SORCS3: variants seen among roughly 807,000 people sequenced by gnomAD.
SORCS3 encodes VPS10 domain-containing receptor SorCS3.
Under a neutral mutation model 146.3 loss-of-function variants are expected in SORCS3, and 57 were observed. That is an observed-to-expected ratio of 0.39 (90% CI 0.31 to 0.49). SORCS3 has a LOEUF of 0.49. Ranked by LOEUF, SORCS3 falls within the 20% of genes least tolerant of loss-of-function variation. The pLI is 0.92. For synonymous variants in SORCS3, 653 were observed against 618.5 expected, an observed-to-expected ratio of 1.06 and a Z score of -0.83; for missense variants, 1,341 against 1,575.5, an observed-to-expected ratio of 0.85 and a Z score of 2.52.
chr10:105,063,746 A>G (rs2055503684), intron 5 of SORCS3, among the ~76,000 whole-genome samples: 1 of 152,232 alleles, frequency 6.6e-6, no homozygotes, highest in Admixed American at 6.5e-5. Flanking sequence ...AATAGACACC[A>G]GCCATGTCCC....
At chr10:104,957,449 C>A (rs913456146) in intron 3 of SORCS3, among the ~76,000 whole-genome samples, 5 of 152,062 alleles carry the variant, frequency 3.3e-5, no homozygotes, top group African/African-American at 9.7e-5. Context: ...TCAGAAGTGG[C>A]AGTTGGACCT....
chr10:104,912,024 T>A (rs1046887643), intron 2 of SORCS3, among the ~76,000 whole-genome samples: 18 of 152,226 alleles, frequency 1.2e-4, no homozygotes, highest in African/African-American at 3.9e-4. Flanking sequence ...TGATAAAAAA[T>A]TCCCACTTTT....
chr10:105,074,655 C>A (rs1272418260), intron 5 of SORCS3, among the ~76,000 whole-genome samples: 2 of 152,274 alleles, frequency 1.3e-5, no homozygotes, highest in East Asian at 3.9e-4. Context: ...ATGGTTACAA[C>A]CTCTTCCCTG....
chr10:104,762,849 T>C (rs1164541744), intron 1 of SORCS3, among the ~76,000 whole-genome samples: 1 of 152,208 alleles, frequency 6.6e-6, no homozygotes, highest in Non-Finnish European at 1.5e-5. Flanking sequence ...TCTACTTTCT[T>C]TATAAATTGC....
chr10:104,989,484 A>C (rs1449371449), intron 4 of SORCS3, among the ~76,000 whole-genome samples: 1 of 152,210 alleles, frequency 6.6e-6, no homozygotes, highest in Non-Finnish European at 1.5e-5. Flanking sequence ...TAGGAGTGGA[A>C]TATAAGGAGA....
At chr10:105,074,993 T>C (rs1281735540) in intron 5 of SORCS3, among the ~76,000 whole-genome samples, 3 of 152,228 alleles carry the variant, frequency 2.0e-5, no homozygotes, top group African/African-American at 7.2e-5. Context: ...CTGCACATTA[T>C]TAGCCTATAA....
intron 1 of SORCS3, among the ~76,000 whole-genome samples, chr10:104,651,419 T>G (rs966030250): frequency 6.6e-6 from 1 of 150,442 alleles, no homozygotes; most frequent in African/African-American, 2.4e-5. Context: ...TATTTTAACA[T>G]AAGAATGTTA....
chr10:105,118,853 G>A (rs531723201), intron 7 of SORCS3, among the ~76,000 whole-genome samples: 1 of 152,296 alleles, frequency 6.6e-6, no homozygotes, highest in East Asian at 1.9e-4. Flanking sequence ...AAACGTTCAA[G>A]AGAAAGCAGA....
intron 3 of SORCS3, among the ~76,000 whole-genome samples, chr10:104,917,741 TTGTC>T (rs2019047097): frequency 1.3e-5 from 2 of 152,252 alleles, no homozygotes; most frequent in Admixed American, 6.5e-5. Flanking sequence ...CAAATGGTAT[TTGTC>T]TGTCTGTGTC....
At chr10:105,169,407 TG>T (rs1420784019) in intron 13 of SORCS3, among the ~76,000 whole-genome samples, 1 of 152,002 alleles carries the variant, frequency 6.6e-6, no homozygotes, top group Admixed American at 6.6e-5. Flanking sequence ...TGAAGCCTGG[TG>T]TGTAAGGAGC....
At position 104,833,596 on chromosome 10, in the gene SORCS3, C is replaced by T. The variant is rs1184240340; in HGVS notation, c.628-9196C>T. Among the ~76,000 whole-genome samples the T allele has an allele frequency of 2.0e-5, 3 of 152,096 alleles. No homozygotes were observed. The East Asian group carries it at 5.8e-4, about 29-fold the overall frequency. ...AGCATTCATACAGGACACAAATATC[C>T]CCTGTGCCAATTTCGAGAGGTCCAA... On this transcript the variant is annotated intron_variant, in intron 1 of 26. Coordinates refer to ENST00000369701, the MANE Select transcript of SORCS3 (RefSeq NM_014978.3).
intron 20 of SORCS3, among the ~76,000 whole-genome samples, chr10:105,227,985 T>TTGTGTGTGTGTGTGTGTG (rs59033040): frequency 3.1e-5 from 4 of 128,854 alleles, no homozygotes; most frequent in African/African-American, 1.2e-4. Context: ...TGTGGTCATT[T>TTGTGTGTGTGTGTGTGTG]TGTGTGTGTG....
intron 14 of SORCS3, among the ~76,000 whole-genome samples, chr10:105,187,462 C>T (rs2056485689): frequency 6.6e-6 from 1 of 152,210 alleles, no homozygotes; most frequent in Admixed American, 6.5e-5. Context: ...GTGGCATGGA[C>T]ACACACCAAT....
At chr10:105,144,877 A>C (rs1328010488) in intron 8 of SORCS3, among the ~76,000 whole-genome samples, 1 of 152,116 alleles carries the variant, frequency 6.6e-6, no homozygotes, top group Non-Finnish European at 1.5e-5. Context: ...CTTTTTCTTG[A>C]AGACTGAATG....
chr10:105,165,741 C>A (rs1421055780), intron 12 of SORCS3, among the ~76,000 whole-genome samples: 1 of 152,132 alleles, frequency 6.6e-6, no homozygotes, highest in Non-Finnish European at 1.5e-5. Context: ...CATAGGCAAA[C>A]CATTTCTGGA....
chr10:105,175,486 C>T (rs1313768889), intron 13 of SORCS3, among the ~76,000 whole-genome samples: 1 of 152,188 alleles, frequency 6.6e-6, no homozygotes, highest in Non-Finnish European at 1.5e-5. Context: ...ACAAAAAACC[C>T]AACTAATACT....
At chr10:104,816,653 T>G (rs1241848828) in intron 1 of SORCS3, among the ~76,000 whole-genome samples, 1 of 152,176 alleles carries the variant, frequency 6.6e-6, no homozygotes, top group Non-Finnish European at 1.5e-5. Flanking sequence ...TCAGCGCACC[T>G]TCCAGACTCA....
chr10:104,648,961 C>T (rs533669965), intron 1 of SORCS3, among the ~76,000 whole-genome samples: 52 of 152,122 alleles, frequency 3.4e-4, no homozygotes, highest in African/African-American at 1.2e-3. Context: ...AAACTGTGCC[C>T]TTGGCTAAGT....
intron 9 of SORCS3, among the ~76,000 whole-genome samples, chr10:105,153,757 A>G (rs1407374849): frequency 6.6e-6 from 1 of 151,940 alleles, no homozygotes; most frequent in African/African-American, 2.4e-5. Flanking sequence ...AACTGGACCC[A>G]GTATACCTGG....
Sources: gnomAD v4.1 joint callset for allele counts (sites outside exome capture counted in the v4.1 genomes callset) on GRCh38, gnomAD v4.1.1 for gene constraint, MANE v1.5 for transcripts, NCBI Gene and HGNC (gene_info 2026-07-23, HGNC 2026-07-21) for gene names.